AK9: variants seen among roughly 807,000 people sequenced by gnomAD.
AK9 encodes adenylate kinase 9.
A neutral mutation model predicts 239.6 loss-of-function variants in AK9; 191 were observed. The observed-to-expected ratio is 0.80, with a 90% CI of 0.71 to 0.90. The LOEUF (loss-of-function observed/expected upper bound fraction) is 0.90. AK9 is among the 40% of genes least tolerant of loss of function. AK9 has a pLI of 0.00. For synonymous variants in AK9, 689 were observed against 721.0 expected, an observed-to-expected ratio of 0.96 and a Z score of 0.71; for missense variants, 1,995 against 2,214.7, an observed-to-expected ratio of 0.90 and a Z score of 1.99.
At chr6:109,623,042 C>G (rs938589787) in intron 12 of AK9, among the ~76,000 whole-genome samples, 1 of 152,128 alleles carries the variant, frequency 6.6e-6, no homozygotes, top group Admixed American at 6.6e-5. Context: ...ATCTCTCTAT[C>G]AGGGAGGTGG....
chr6:109,551,579 A>G (rs1784365932), intron 24 of AK9, among the ~76,000 whole-genome samples: 1 of 151,552 alleles, frequency 6.6e-6, no homozygotes, highest in African/African-American at 2.4e-5. Flanking sequence ...TTTTCCTATG[A>G]TGTTCAAAAA....
At chr6:109,566,997 C>T (rs1340461663) in intron 21 of AK9, among the ~76,000 whole-genome samples, 1 of 152,108 alleles carries the variant, frequency 6.6e-6, no homozygotes, top group South Asian at 2.1e-4. Context: ...AAAATTGACA[C>T]CCTATCATCA....
chr6:109,614,517 G>A (rs1247406949), intron 13 of AK9, 37 bp from the exon 14 acceptor site: 3 of 1,518,096 alleles, frequency 2.0e-6, no homozygotes, highest in South Asian at 1.2e-5. Flanking sequence ...GCAAAACGTA[G>A]TTGGGGATAG....
At chr6:109,501,115 C>A (rs1276358663) in intron 35 of AK9, among the ~76,000 whole-genome samples, 1 of 152,212 alleles carries the variant, frequency 6.6e-6, no homozygotes, top group Non-Finnish European at 1.5e-5. Flanking sequence ...TAGGTTGACC[C>A]TTCCCCACTT....
chr6:109,545,897 G>T lies in AK9; in HGVS notation c.3195C>A (p.Val1065=), dbSNP rs1239924583. The T allele has an allele frequency of 6.2e-7, 1 of 1,600,252 alleles. No homozygotes were observed. The highest frequency in any genetic ancestry group is 1.4e-5 in the African/African-American group (1 of 73,746). Residue 1065 remains valine (V), a synonymous_variant, in exon 26 of 41, where the codon GTC becomes GTA. Transcript: ENST00000424296. ...TTTTTGTATTTTCTTCCTCAACTTT[G>T]ACATTGGCCTGAATTGCAAGCTCTT... ...ELEELAIQAN[V]KVEEENTKKQ...
intron 17 of AK9, among the ~76,000 whole-genome samples, 171 bp from the exon 18 acceptor site, chr6:109,586,243 C>T (rs868179077): frequency 4.6e-5 from 7 of 152,160 alleles, no homozygotes; most frequent in Admixed American, 1.3e-4. Context: ...GCAATAAAAT[C>T]GTAAGTTTAA....
chr6:109,516,257 T>C (rs1779266031), intron 30 of AK9, among the ~76,000 whole-genome samples, 173 bp downstream of exon 30: 1 of 152,222 alleles, frequency 6.6e-6, no homozygotes, highest in Non-Finnish European at 1.5e-5. Context: ...GCTTCCACGT[T>C]GCTCTTAATT....
chr6:109,631,130 G>T (rs73527068), intron 12 of AK9, among the ~76,000 whole-genome samples: 1 of 151,872 alleles, frequency 6.6e-6, no homozygotes, highest in Non-Finnish European at 1.5e-5. Context: ...ATGTTTGGGC[G>T]GAAAAATTTT....
At chr6:109,644,558 T>G (rs764583653) in intron 9 of AK9, 56 bp downstream of exon 9, 1 of 1,428,012 alleles carries the variant, frequency 7.0e-7, no homozygotes, top group South Asian at 1.2e-5. Context: ...TACAATACTG[T>G]CAATAGATTT....
At chr6:109,520,485 T>G (rs1428316923) in intron 29 of AK9, among the ~76,000 whole-genome samples, 1 of 152,128 alleles carries the variant, frequency 6.6e-6, no homozygotes, top group African/African-American at 2.4e-5. Flanking sequence ...TATGTGTCTG[T>G]TTTTGTACTG....
intron 12 of AK9, among the ~76,000 whole-genome samples, chr6:109,621,047 A>G (rs1161177408): frequency 6.6e-6 from 1 of 151,614 alleles, no homozygotes; most frequent in Non-Finnish European, 1.5e-5. Context: ...ATTTACAAGA[A>G]AAAAACAAAC....
At chr6:109,563,472 G>A in intron 24 of AK9, 125 bp downstream of exon 24, 1 of 1,379,090 alleles carries the variant, frequency 7.3e-7, no homozygotes, top group African/African-American at 1.5e-5. Flanking sequence ...CTGAGGCAGA[G>A]GGAGAATGTG....
intron 6 of AK9, among the ~76,000 whole-genome samples, chr6:109,660,774 C>T (rs1800315715): frequency 6.6e-6 from 1 of 152,072 alleles, no homozygotes; most frequent in Non-Finnish European, 1.5e-5. Context: ...GAGGGCTTTG[C>T]AACACTAATA....
At chr6:109,538,339 G>A (rs1782324690) in intron 27 of AK9, among the ~76,000 whole-genome samples, 1 of 152,182 alleles carries the variant, frequency 6.6e-6, no homozygotes, top group Non-Finnish European at 1.5e-5. Flanking sequence ...TTGTTGAATT[G>A]ATCCCTTTAC....
intron 22 of AK9, 115 bp downstream of exon 22, chr6:109,564,641 A>G (rs1403099289): frequency 1.4e-6 from 1 of 727,978 alleles, no homozygotes; most frequent in Middle Eastern, 3.4e-4. Context: ...CAATTAGCAT[A>G]CAACATAGAA....
intron 21 of AK9, among the ~76,000 whole-genome samples, chr6:109,568,881 T>TC (rs1416679984): frequency 2.0e-5 from 3 of 152,062 alleles, no homozygotes; most frequent in Non-Finnish European, 4.4e-5. Flanking sequence ...TTCAATGCCA[T>TC]CCCCATCAAG....
At chr6:109,520,891 G>C (rs1446903641) in intron 29 of AK9, among the ~76,000 whole-genome samples, 1 of 152,016 alleles carries the variant, frequency 6.6e-6, no homozygotes, top group Non-Finnish European at 1.5e-5. Context: ...TTGCATTCTT[G>C]ATTTGGCTCT....
At chr6:109,643,571 G>A (rs1195009259) in intron 9 of AK9, among the ~76,000 whole-genome samples, 3 of 152,112 alleles carry the variant, frequency 2.0e-5, no homozygotes, top group African/African-American at 7.2e-5. Flanking sequence ...GCTTGGAACG[G>A]AGTGATCTTT....
At chr6:109,570,294 G>T (rs959427177) in intron 21 of AK9, among the ~76,000 whole-genome samples, 9 of 151,968 alleles carry the variant, frequency 5.9e-5, no homozygotes, top group South Asian at 2.1e-4. Flanking sequence ...GTGGGGGAAG[G>T]GGGGAGGGAT....
Sources: gnomAD v4.1 joint callset for allele counts (sites outside exome capture counted in the v4.1 genomes callset) on GRCh38, gnomAD v4.1.1 for gene constraint, MANE v1.5 for transcripts, NCBI Gene and HGNC (gene_info 2026-07-23, HGNC 2026-07-21) for gene names.